CELSR1: variants seen among roughly 807,000 people sequenced by gnomAD.
CELSR1 encodes the protein adhesion G protein-coupled receptor C1.
Under a neutral mutation model 249.1 loss-of-function variants are expected in CELSR1, and 110 were observed. The ratio of observed to expected loss-of-function variants is 0.44; its 90% confidence interval spans 0.38 to 0.52. CELSR1 has a LOEUF of 0.52. CELSR1 is among the 20% of genes least tolerant of loss of function. CELSR1 has a pLI of 0.00. For missense variants in CELSR1, 4,109 were observed against 4,296.4 expected, an observed-to-expected ratio of 0.96 and a Z score of 1.22; for synonymous variants, 2,113 against 1,900.0, an observed-to-expected ratio of 1.11 and a Z score of -2.92.
intron 1 of CELSR1, among the ~76,000 whole-genome samples, chr22:46,475,304 C>T (rs2080196785): frequency 6.6e-6 from 1 of 152,084 alleles, no homozygotes; most frequent in Non-Finnish European, 1.5e-5. Context: ...ACGACAGACA[C>T]CCTGACACAC....
chr22:46,416,086 T>A (rs2147356635), intron 5 of CELSR1, among the ~76,000 whole-genome samples: 1 of 124,736 alleles, frequency 8.0e-6, no homozygotes, highest in East Asian at 1.9e-4. Context: ...CAGCTGACGA[T>A]GAATGGTACA....
In CELSR1 at chr22:46,372,775, ACAAGCATTGGGGCTGGG is replaced by A; in HGVS notation, c.7759+91_7759+107del. 6 of 1,380,182 alleles carry A rather than the reference ACAAGCATTGGGGCTGGG, an allele frequency of 4.3e-6. No homozygotes were observed. In the South Asian group the frequency reaches 5.5e-5, roughly 13 times the overall value. 85.5% of individuals were successfully genotyped at this position (1,380,182 alleles called of 1,614,324 possible). On this transcript the variant is annotated intron_variant, in intron 25 of 34. Coordinates refer to ENST00000674500, the MANE Select transcript of CELSR1 (RefSeq NM_001378328.1). ...CGAGGCCTCCTCTGCTGGGGGCTGG[ACAAGCATTGGGGCTGGG>A]CAGGGAAGAGAAAGGAGGGCAGCGT...
rs2147155171 is a variant in CELSR1, at chr22:46,365,144, G to A, written c.8554+87C>T. On this transcript the variant is annotated intron_variant, in intron 32 of 34. Transcript: ENST00000674500. Reference sequence around the variant, plus strand: ...GCTGCAGTGCTGCTGGGCATATCCTGGGAGGAAGGGACCCAGCCATAGCCA... The same window carrying A: ...GCTGCAGTGCTGCTGGGCATATCCTAGGAGGAAGGGACCCAGCCATAGCCA... 4.0e-6 allele frequency: 6 copies of A among 1,494,052 alleles called. No homozygotes were observed. The South Asian group carries it at 7.8e-5, about 19-fold the overall frequency. 92.5% of individuals were successfully genotyped at this position (1,494,052 alleles called of 1,614,324 possible). A position where few individuals can be genotyped will look rare whatever the true frequency, so the allele number is the denominator to read the frequency against.
At chr22:46,372,421 C>G (rs1384510509) in intron 25 of CELSR1, among the ~76,000 whole-genome samples, 1 of 131,578 alleles carries the variant, frequency 7.6e-6, no homozygotes, top group Non-Finnish European at 1.6e-5. Context: ...CTCCACCCAT[C>G]CATCCACTCA....
At position 46,411,604 on chromosome 22, in the gene CELSR1, C is replaced by T. The variant is rs2079336013; in HGVS notation, c.4767G>A (p.Lys1589=). Residue 1589 remains lysine, a splice_region_variant and synonymous_variant, in exon 6 of 35, where the codon AAG becomes AAA. Coordinates refer to ENST00000674500, the MANE Select transcript of CELSR1 (RefSeq NM_001378328.1). This position sits in a 1 kb window ranked among gnomAD's most constrained non-coding sequence, Gnocchi z 4.2. Reference sequence around the variant, plus strand: ...GCCTCCCCTCCTGGGATGCTCACTTCTTGGAGCCGGTCTGAGTGCCCTGGG... The same window carrying T: ...GCCTCCCCTCCTGGGATGCTCACTTTTTGGAGCCGGTCTGAGTGCCCTGGG... The part of the protein sequence containing the change: ...CAAQGTQTGS[K]KSLDLTGPLL... The T allele has an allele frequency of 1.2e-6, 2 of 1,614,118 alleles. No homozygotes were observed. The highest frequency in any genetic ancestry group is 1.7e-6 in the Non-Finnish European group (2 of 1,180,014).
At chr22:46,405,027 G>A (rs970221308) in intron 9 of CELSR1, among the ~76,000 whole-genome samples, 2 of 151,742 alleles carry the variant, frequency 1.3e-5, no homozygotes, top group African/African-American at 4.8e-5. Flanking sequence ...GTTTCCCCAT[G>A]TTGGCCATGC....
intron 1 of CELSR1, among the ~76,000 whole-genome samples, chr22:46,478,309 A>G (rs1184370936): frequency 6.6e-6 from 1 of 152,246 alleles, no homozygotes; most frequent in Non-Finnish European, 1.5e-5. Context: ...TGCCAGAACC[A>G]GAAAGCCACC....
rs568322483 is a variant in CELSR1, at chr22:46,410,150, C to T, written c.4933+248G>A. 1.1e-3 allele frequency among the ~76,000 whole-genome samples: 170 copies of T among 152,360 alleles called. No individual in the cohort carries two copies. Among genetic ancestry groups the T allele is most frequent in the African/African-American group, 2.3e-3 (96 of 41,586 alleles). On this transcript the variant is annotated intron_variant, in intron 7 of 34. Coordinates refer to ENST00000674500, the MANE Select transcript of CELSR1 (RefSeq NM_001378328.1). The surrounding 1 kb of genome is among the most constrained non-coding windows in gnomAD (Gnocchi z 6.8). ...ATATGCAAGACCCTAGGATCATGTG[C>T]GCCTCGGGTTAGCTGGCTGGGCCAG...
In CELSR1 at chr22:46,413,773, G is replaced by A. The variant is rs552212374; in HGVS notation, c.4612-2014C>T. ...CATCTGTTTTCTCGCTGTGTAACGC[G>A]GCCCACTTTGGAAAACGCGTGGAAG... On this transcript the variant is annotated intron_variant, in intron 5 of 34. Transcript: ENST00000674500. The surrounding 1 kb of genome is among the most constrained non-coding windows in gnomAD (Gnocchi z 4.7). 4.6e-5 allele frequency among the ~76,000 whole-genome samples: 7 copies of A among 152,308 alleles called. No individual in the cohort carries two copies. The highest frequency in any genetic ancestry group is 4.1e-4 in the South Asian group (2 of 4,832).
At chr22:46,525,449 CAAA>C (rs10585540) in intron 1 of CELSR1, among the ~76,000 whole-genome samples, 25 of 146,368 alleles carry the variant, frequency 1.7e-4, no homozygotes, top group African/African-American at 1.8e-4. Flanking sequence ...AACTCTGTCT[CAAA>C]AAAAAAAAAA....
At position 46,510,111 on chromosome 22, in the gene CELSR1, C is replaced by T. The variant is rs918431146; in HGVS notation, c.3544+23516G>A. The stretch of plus-strand genomic sequence containing the variant: ...TGGGCTAGCTCCTAACCCTCTGCAT[C>T]CAGCAGACGAGGACGGCCCACGTGG... On this transcript the variant is annotated intron_variant, in intron 1 of 34. Transcript: ENST00000674500. Among the ~76,000 whole-genome samples, 11 of 152,330 alleles carry T rather than the reference C, an allele frequency of 7.2e-5. No individual in the cohort carries two copies. The East Asian group carries it at 1.5e-3, about 21-fold the overall frequency.
Position 46,361,483 on chromosome 22 carries a change from C to G in CELSR1, c.*1740G>C, listed in dbSNP as rs960477633. 1 of 152,278 alleles carries G rather than the reference C, an allele frequency of 6.6e-6. No homozygotes were observed. Among genetic ancestry groups the G allele is most frequent in the Non-Finnish European group, 1.5e-5 (1 of 68,018 alleles). 9.4% of individuals were successfully genotyped at this position (152,278 alleles called of 1,614,324 possible). On this transcript the variant is annotated 3_prime_UTR_variant, in exon 35 of 35. Coordinates refer to ENST00000674500, the MANE Select transcript of CELSR1 (RefSeq NM_001378328.1). ...GTTAAAGTCATGAAAGGAGACTGTT[C>G]GAAGACTTAAAAACCTTTTCGTACT...
chr22:46,394,727 C>G lies in CELSR1; in HGVS notation c.5844-465G>C, dbSNP rs754594101. Among the ~76,000 whole-genome samples, 5 of 152,340 alleles carry G rather than the reference C, an allele frequency of 3.3e-5. 1 individual carries two copies. In the South Asian group the frequency reaches 1.0e-3, roughly 32 times the overall value. On this transcript the variant is annotated intron_variant, in intron 13 of 34. Transcript: ENST00000674500. ...CCCCCAGGTCCCCTGGCCCCCAGAC[C>G]CACAGATGCTCAGGGCAGCCATGCC...
intron 1 of CELSR1, among the ~76,000 whole-genome samples, chr22:46,466,479 C>T (rs751063587): frequency 4.6e-5 from 7 of 152,198 alleles, no homozygotes; most frequent in Non-Finnish European, 7.4e-5. Flanking sequence ...TCCAGGGCCC[C>T]GGCCAATGGA....
rs2079331100 is a variant in CELSR1 at position 46,411,258 on chromosome 22, G to C, written c.4769+344C>G. 6.6e-6 allele frequency among the ~76,000 whole-genome samples: 1 copy of C among 152,104 alleles called. No homozygotes were observed. The highest frequency in any genetic ancestry group is 1.5e-5 in the Non-Finnish European group (1 of 68,024). On this transcript the variant is annotated intron_variant, in intron 6 of 34. Transcript: ENST00000674500. The surrounding 1 kb of genome is among the most constrained non-coding windows in gnomAD (Gnocchi z 4.2). ...CCTCTGGGACCAGCTGGCTGACACA[G>C]TGCTTCACTTAACAGAGTCCTGGAG... is the stretch of plus-strand genomic sequence containing the variant.
intron 1 of CELSR1, among the ~76,000 whole-genome samples, chr22:46,514,092 C>A (rs1038443608): frequency 7.2e-5 from 11 of 152,118 alleles, no homozygotes; most frequent in African/African-American, 2.4e-4. Flanking sequence ...CGCACCCGGC[C>A]CTCATTTGTA....
chr22:46,366,767 AAGGCCTGGAAGAGCAGGGTT>A (rs2078787843), intron 29 of CELSR1, among the ~76,000 whole-genome samples: 1 of 152,034 alleles, frequency 6.6e-6, no homozygotes, highest in Non-Finnish European at 1.5e-5. Context: ...CTCTCTTTCT[AAGGCCTGGAAGAGCAGGGTT>A]AGGATGCGAC....
intron 5 of CELSR1, among the ~76,000 whole-genome samples, chr22:46,422,011 A>G (rs1367674451): frequency 6.6e-6 from 1 of 152,282 alleles, no homozygotes; most frequent in Non-Finnish European, 1.5e-5. Context: ...CTTTATCATA[A>G]GGATTTTACA....
Position 46,378,649 on chromosome 22 carries a change from G to T in CELSR1, c.7325C>A (p.Ala2442Asp). The T allele has an allele frequency of 1.2e-6, 2 of 1,608,138 alleles. No individual in the cohort carries two copies. Among genetic ancestry groups the T allele is most frequent in the Non-Finnish European group, 1.7e-6 (2 of 1,178,394 alleles). Residue 2442 changes from alanine (A) to aspartate (D), a missense_variant, in exon 23 of 35, where the codon GCC becomes GAC. This residue lies in a region of CELSR1 where 1,805 missense variants were observed against 1,831.6 expected (regional missense o/e 0.99). Transcript: ENST00000674500. ...GCTGGCTGTGTGGCTGCACTGGCAG[G>T]CGACATGTGTCCGGTTCCTGGACAG... is the stretch of plus-strand genomic sequence containing the variant. ...ELLSRNRTHVACQCSHTASFA... is the reference protein window; with the variant it reads ...ELLSRNRTHVDCQCSHTASFA...
Sources: allele counts gnomAD v4.1 joint callset (sites outside exome capture counted in the v4.1 genomes callset), GRCh38; gene constraint gnomAD v4.1.1; regional missense constraint gnomAD v4.1.1; non-coding constraint Gnocchi (gnomAD v3.1); transcripts MANE v1.5; gene names NCBI Gene and HGNC (gene_info 2026-07-23, HGNC 2026-07-21).